Variants in KREMEN1 observed in about 807,000 individuals in gnomAD.
KREMEN1 encodes the protein kringle containing transmembrane protein 1.
Under a neutral mutation model 46.5 loss-of-function variants are expected in KREMEN1, and 30 were observed. The observed-to-expected ratio is 0.65, with a 90% confidence interval of 0.48 to 0.88. The LOEUF (loss-of-function observed/expected upper bound fraction) is 0.88. KREMEN1 is among the 40% of genes least tolerant of loss of function. The pLI is 0.00. For missense variants in KREMEN1, 533 were observed against 596.9 expected (o/e 0.89, Z 1.11); for synonymous variants, 214 against 230.6 (o/e 0.93, Z 0.65).
At position 29,137,608 on chromosome 22, in the gene KREMEN1, T is replaced by C. The variant is rs1474869905; in HGVS notation, c.898T>C (p.Phe300Leu). ...TCTGTCCTTCAACGTCTCTCTGGAC[T>C]TCGTCATCTTGTATTTCTTCTCTGA... ...PPLSFNVSLD[F>L]VILYFFSDRI... Residue 300 changes from phenylalanine to leucine, a missense_variant, in exon 6 of 9, where the codon TTC (phenylalanine) becomes CTC (leucine). Physicochemically the swap from Phe to Leu is conservative, Grantham distance 22. Coordinates refer to ENST00000400335, the MANE Select transcript of KREMEN1 (RefSeq NM_001039570.3). The C allele has an allele frequency of 6.2e-7, 1 of 1,612,592 alleles. No individual in the cohort carries two copies. Among genetic ancestry groups the C allele is most frequent in the Non-Finnish European group, 8.5e-7 (1 of 1,178,784 alleles).
At chr22:29,128,686 T>G (rs538316898) in intron 5 of KREMEN1, among the ~76,000 whole-genome samples, 8 of 152,356 alleles carry the variant, frequency 5.3e-5, no homozygotes, top group African/African-American at 1.7e-4. Context: ...TGAGTGCTTG[T>G]CATGTGCTAG....
At position 29,098,920 on chromosome 22, in the gene KREMEN1, T is replaced by C. The variant is rs1352394356; in HGVS notation, c.319T>C (p.Tyr107His). The C allele has an allele frequency of 4.3e-6, 7 of 1,613,968 alleles. No individual in the cohort carries two copies. In the Admixed American group the frequency reaches 6.7e-5, roughly 15 times the overall value. The part of the protein sequence containing the change: ...CYVAEHEDGV[Y>H]WKYCEIPACQ... ...TGTGGCAGAGCACGAGGATGGTGTC[T>C]ACTGGAAGTACTGTGAGATACCTGC... The change falls in exon 3 of 9, where the codon TAC (tyrosine) becomes CAC (histidine). Residue 107 changes from tyrosine to histidine, a missense_variant. Physicochemically the swap from Tyr to His is moderately conservative, Grantham distance 83. Coordinates refer to ENST00000400335, the MANE Select transcript of KREMEN1 (RefSeq NM_001039570.3).
intron 9 of KREMEN1, among the ~76,000 whole-genome samples, chr22:29,159,075 C>A (rs1186525988): frequency 6.6e-6 from 1 of 150,936 alleles, no homozygotes; most frequent in Non-Finnish European, 1.5e-5. Flanking sequence ...CTGCCTTGGC[C>A]TCCTAAAGTG....
chr22:29,105,889 G>T (rs964843169), intron 3 of KREMEN1, among the ~76,000 whole-genome samples: 1 of 152,138 alleles, frequency 6.6e-6, no homozygotes. Context: ...ACCAGCTCAG[G>T]TTTCTTTTAA....
chr22:29,167,245 G>T, exon 10 of KREMEN1: 1 of 714,236 alleles, frequency 1.4e-6, no homozygotes, highest in Non-Finnish European at 2.4e-6. Context: ...TGTAATACCA[G>T]CGTTTTGGGA....
chr22:29,092,559 C>T (rs1338999161), intron 1 of KREMEN1, among the ~76,000 whole-genome samples: 2 of 152,238 alleles, frequency 1.3e-5, no homozygotes, highest in African/African-American at 4.8e-5. Flanking sequence ...ACTGAACTGC[C>T]TCCTTCAATT....
chr22:29,146,300 A>G lies in KREMEN1; in HGVS notation c.*4188A>G, dbSNP rs1432250751. 1.0e-6 allele frequency: 1 copy of G among 985,790 alleles called. No individual in the cohort carries two copies. The highest frequency in any genetic ancestry group is 1.2e-6 in the Non-Finnish European group (1 of 830,018). 61.1% of individuals were successfully genotyped at this position (985,790 alleles called of 1,614,324 possible). ...GGTGTTTTTCAAGCCTTCCAGCCAC[A>G]GCTGTCTCCCCTCAGGCTGGACGGC... On this transcript the variant is annotated 3_prime_UTR_variant, in exon 9 of 9. Transcript: ENST00000400335.
Position 29,144,159 on chromosome 22 carries a change from G to T in KREMEN1, c.*2047G>T, listed in dbSNP as rs2038815741. ...GGGTGATTGTTGCGCCTCTGGCTTT[G>T]GCGTTTCCTCTTTGCAGCACTTTGC... On this transcript the variant is annotated 3_prime_UTR_variant, in exon 9 of 9. Transcript: ENST00000400335. 11 of 985,652 alleles carry T rather than the reference G, an allele frequency of 1.1e-5. No individual in the cohort carries two copies. The highest frequency in any genetic ancestry group is 1.3e-5 in the Non-Finnish European group (11 of 830,084). 61.1% of individuals were successfully genotyped at this position (985,652 alleles called of 1,614,324 possible). A position where few individuals can be genotyped will look rare whatever the true frequency, so the allele number is the denominator to read the frequency against.
At chr22:29,099,133 A>G in intron 3 of KREMEN1, 180 bp downstream of exon 3, 1 of 573,416 alleles carries the variant, frequency 1.7e-6, no homozygotes, top group Non-Finnish European at 3.1e-6. Flanking sequence ...AGGAATAGGA[A>G]TGCTGATTTC....
chr22:29,121,634 C>G (rs1370463717), intron 4 of KREMEN1, among the ~76,000 whole-genome samples, 153 bp downstream of exon 4: 3 of 152,126 alleles, frequency 2.0e-5, no homozygotes, highest in Admixed American at 2.0e-4. Context: ...CTAGAATAGG[C>G]AAATCCATAG....
At chr22:29,085,922 G>A (rs2037720978) in intron 1 of KREMEN1, among the ~76,000 whole-genome samples, 1 of 150,786 alleles carries the variant, frequency 6.6e-6, no homozygotes, top group South Asian at 2.1e-4. Flanking sequence ...AGTGAGCCAT[G>A]ATTGCTCCAC....
intron 9 of KREMEN1, among the ~76,000 whole-genome samples, chr22:29,155,039 T>C (rs1420512388): frequency 6.6e-6 from 1 of 151,928 alleles, no homozygotes; most frequent in Non-Finnish European, 1.5e-5. Context: ...AACAAATTAA[T>C]GTAGTGCTTC....
intron 1 of KREMEN1, among the ~76,000 whole-genome samples, chr22:29,081,843 C>T (rs937089715): frequency 3.3e-5 from 5 of 152,190 alleles, no homozygotes; most frequent in Non-Finnish European, 7.3e-5. Context: ...AACTTTGTTG[C>T]TTCGAGTTTT....
At chr22:29,126,985 C>A (rs2038455104) in intron 5 of KREMEN1, among the ~76,000 whole-genome samples, 1 of 152,194 alleles carries the variant, frequency 6.6e-6, no homozygotes, top group Non-Finnish European at 1.5e-5. Flanking sequence ...ATCTATTTAA[C>A]CTTTTATTCT....
chr22:29,119,227 G>T (rs1569325190), intron 3 of KREMEN1, among the ~76,000 whole-genome samples: 2 of 152,180 alleles, frequency 1.3e-5, no homozygotes, highest in South Asian at 4.1e-4. Context: ...TAGGTGAACT[G>T]CAGATGAAGA....
chr22:29,140,795 A>C (rs932864448), intron 8 of KREMEN1, among the ~76,000 whole-genome samples: 1 of 152,238 alleles, frequency 6.6e-6, no homozygotes, highest in Non-Finnish European at 1.5e-5. Flanking sequence ...ATTTTAAAAC[A>C]GTTATTGAAA....
chr22:29,094,469 C>T (rs772130345), intron 2 of KREMEN1, 49 bp downstream of exon 2: 1 of 1,510,800 alleles, frequency 6.6e-7, no homozygotes, highest in Non-Finnish European at 9.0e-7. Context: ...TATATCTAGT[C>T]TCTTCTTCCA....
intron 1 of KREMEN1, among the ~76,000 whole-genome samples, chr22:29,085,841 C>T (rs893765097): frequency 6.6e-6 from 1 of 152,072 alleles, no homozygotes; most frequent in Non-Finnish European, 1.5e-5. Flanking sequence ...TGTGGTTACA[C>T]ATGCCTATAG....
intron 1 of KREMEN1, among the ~76,000 whole-genome samples, chr22:29,081,930 T>G (rs1236767614): frequency 1.3e-5 from 2 of 152,244 alleles, no homozygotes; most frequent in Non-Finnish European, 2.9e-5. Context: ...ATTATTTGTC[T>G]ATCCCATATC....
Sources: allele counts gnomAD v4.1 joint callset (sites outside exome capture counted in the v4.1 genomes callset), GRCh38; gene constraint gnomAD v4.1.1; transcripts MANE v1.5; gene names NCBI Gene and HGNC (gene_info 2026-07-23, HGNC 2026-07-21).